The following NMUR1 variants were observed in gnomAD, a reference collection of about 807,000 sequenced individuals.
NMUR1 encodes the protein neuromedin U receptor 1, also known as neuromedin-U receptor 1.
A neutral mutation model predicts 18.8 loss-of-function variants in NMUR1; 16 were observed. That is an observed-to-expected ratio of 0.85 (90% confidence interval 0.58 to 1.29). The LOEUF is 1.29. Among genes scored for constraint, NMUR1 ranks in the 50% most tolerant of loss-of-function variants. The pLI is 0.00. For synonymous variants in NMUR1, 258 were observed against 258.2 expected, an observed-to-expected ratio of 1.00 and a Z score of 0.01; for missense variants, 529 against 580.3, an observed-to-expected ratio of 0.91 and a Z score of 0.91.
At position 231,523,524 on chromosome 2, in the gene NMUR1, T is replaced by C. The variant is rs1457077455; in HGVS notation, c.*1519A>G. On this transcript the variant is annotated 3_prime_UTR_variant, in exon 3 of 3. Coordinates refer to ENST00000305141, the MANE Select transcript of NMUR1 (RefSeq NM_006056.5). Reference sequence around the variant, plus strand: ...TCATGAGCATTTATTATTTTTATAATTGAATTTTTAAAACTAAACATCTGC... The same window carrying C: ...TCATGAGCATTTATTATTTTTATAACTGAATTTTTAAAACTAAACATCTGC... 7.7e-6 allele frequency: 2 copies of C among 261,052 alleles called. No individual in the cohort carries two copies. Among genetic ancestry groups the C allele is most frequent in the East Asian group, 1.3e-4 (2 of 14,852 alleles). The allele number at this position is 261,052 out of a possible 1,614,324, so 16.2% of individuals were successfully genotyped here.
chr2:231,528,242 C>T lies in NMUR1; in HGVS notation c.779G>A (p.Arg260Gln), dbSNP rs760301353. 3.0e-5 allele frequency: 48 copies of T among 1,613,690 alleles called. No homozygotes were observed. Among genetic ancestry groups the T allele is most frequent in the African/African-American group, 1.7e-4 (13 of 74,954 alleles). ...CTCCTGCATGAGCAGCAGCCTCTCC[C>T]GCCGCAGTCGCAGCCCAATGAGCAG... ...LYLLIGLRLRRERLLLMQEAK... is the reference protein window; with the variant it reads ...LYLLIGLRLRQERLLLMQEAK... The change falls in exon 2 of 3, where the codon CGG becomes CAG. Residue 260 changes from arginine (R) to glutamine (Q), a missense_variant. Coordinates refer to ENST00000305141, the MANE Select transcript of NMUR1 (RefSeq NM_006056.5).
downstream of NMUR1, among the ~76,000 whole-genome samples, chr2:231,520,256 T>C (rs2047294136): frequency 1.3e-5 from 2 of 152,176 alleles, no homozygotes; most frequent in African/African-American, 2.4e-5. Context: ...GTAGCTCAAA[T>C]ATCAACAGGA....
At position 231,525,370 on chromosome 2, in the gene NMUR1, G is replaced by A. The variant is rs1278223314; in HGVS notation, c.954C>T (p.Val318=). ...TCCACTGTGACACGACGCTCCACAT[G>A]ACGCGGTCGGCGTGGAACGGGGCCC... The part of the protein sequence containing the change: ...ICWAPFHADR[V]MWSVVSQWTD... Residue 318 remains valine (V), a synonymous_variant, in exon 3 of 3, where the codon GTC becomes GTT. Transcript: ENST00000305141. 6.2e-7 allele frequency: 1 copy of A among 1,614,008 alleles called. No individual in the cohort carries two copies. Among genetic ancestry groups the A allele is most frequent in the Non-Finnish European group, 8.5e-7 (1 of 1,180,004 alleles).
chr2:231,525,415 G>T lies in NMUR1; in HGVS notation c.909C>A (p.Val303=). 6.2e-7 allele frequency: 1 copy of T among 1,610,294 alleles called. No homozygotes were observed. Among genetic ancestry groups the T allele is most frequent in the Non-Finnish European group, 8.5e-7 (1 of 1,177,728 alleles). The change falls in exon 3 of 3, where the codon GTC becomes GTA. Residue 303 remains valine (V), a synonymous_variant. Transcript: ENST00000305141. ...RQVTKMLFVL[V]VVFGICWAPF... ...GGGCCCAGCAGATGCCAAACACCAC[G>T]ACCAGGACAACTGCAGGGACAGAGA... is the stretch of plus-strand genomic sequence containing the variant.
Position 231,528,864 on chromosome 2 carries a change from C to T in NMUR1, c.157G>A (p.Gly53Arg). 1 of 1,614,202 alleles carries T rather than the reference C, an allele frequency of 6.2e-7. No homozygotes were observed. The highest frequency in any genetic ancestry group is 8.5e-7 in the Non-Finnish European group (1 of 1,180,046). The change falls in exon 2 of 3, where the codon GGG becomes AGG. Residue 53 changes from glycine to arginine, a missense_variant. By Grantham distance (125) the Gly-to-Arg change is moderately radical. Coordinates refer to ENST00000305141, the MANE Select transcript of NMUR1 (RefSeq NM_006056.5). ...ATGAACAGCTCTGTCTGCTGGGGCC[C>T]CAGGTACTTGAGTCTCAGTGCCTCG... The part of the protein sequence containing the change: ...TDEALRLKYL[G>R]PQQTELFMPI...
rs1375555502 is a variant in NMUR1 at position 231,530,392 on chromosome 2, C to T, written c.-31G>A. On this transcript the variant is annotated 5_prime_UTR_variant, in exon 1 of 3. Transcript: ENST00000305141. ...CCGCGGCCCGCGAGACCCCGGCTTC[C>T]ACCCTCCGAGCGACGGACACAGACG... 1 of 1,483,192 alleles carries T rather than the reference C, an allele frequency of 6.7e-7. No homozygotes were observed. The highest frequency in any genetic ancestry group is 1.5e-5 in the African/African-American group (1 of 68,350). 91.9% of individuals were successfully genotyped at this position (1,483,192 alleles called of 1,614,324 possible). A position where few individuals can be genotyped will look rare whatever the true frequency, so the allele number is the denominator to read the frequency against.
In NMUR1 at chr2:231,530,426, G is replaced by A. The variant is rs1395129015; in HGVS notation, c.-65C>T. The A allele has an allele frequency of 6.9e-7, 1 of 1,453,966 alleles. No individual in the cohort carries two copies. Among genetic ancestry groups the A allele is most frequent in the Non-Finnish European group, 9.0e-7 (1 of 1,110,148 alleles). The allele number at this position is 1,453,966 out of a possible 1,614,324, so 90.1% of individuals were successfully genotyped here. A position where few individuals can be genotyped will look rare whatever the true frequency, so the allele number is the denominator to read the frequency against. On this transcript the variant is annotated 5_prime_UTR_variant, in exon 1 of 3. Coordinates refer to ENST00000305141, the MANE Select transcript of NMUR1 (RefSeq NM_006056.5). ...AGCGACGGACACAGACGCGGCGCGG[G>A]AGCCAGTGGACTGACTGACAGCGGC... is the stretch of plus-strand genomic sequence containing the variant.
intron 2 of NMUR1, 23 bp from the exon 3 acceptor site, chr2:231,525,448 C>T: frequency 3.2e-6 from 5 of 1,581,564 alleles, no homozygotes; most frequent in Non-Finnish European, 4.3e-6. Flanking sequence ...AGAAGGGAGG[C>T]CGAGTGCCCG....
At chr2:231,529,357 GGCTGAGGCGGGA>G (rs1356305113) in intron 1 of NMUR1, among the ~76,000 whole-genome samples, 1 of 152,152 alleles carries the variant, frequency 6.6e-6, no homozygotes, top group Non-Finnish European at 1.5e-5. Flanking sequence ...CTACTTGGGA[GGCTGAGGCGGGA>G]GAATTGTTTG....
At chr2:231,526,550 G>A (rs140628624) in intron 2 of NMUR1, among the ~76,000 whole-genome samples, 1 of 152,348 alleles carries the variant, frequency 6.6e-6, no homozygotes, top group East Asian at 1.9e-4. Flanking sequence ...GTGGGCAGCT[G>A]GTCCTGAGCA....
chr2:231,528,702 G>A lies in NMUR1; in HGVS notation c.319C>T (p.Leu107=), dbSNP rs773828162. ...GGCAGGCCCACCAGCAGCACCAGCA[G>A]GTCCGACACGGCCAGGCTGAAGAGG... The part of the protein sequence containing the change: ...YYLFSLAVSD[L]LVLLVGLPLE... Residue 107 remains leucine, a synonymous_variant, in exon 2 of 3, where the codon CTG becomes TTG. Coordinates refer to ENST00000305141, the MANE Select transcript of NMUR1 (RefSeq NM_006056.5). 3 of 1,614,256 alleles carry A rather than the reference G, an allele frequency of 1.9e-6. No individual in the cohort carries two copies. The African/African-American group carries it at 4.0e-5, about 22-fold the overall frequency.
chr2:231,526,115 G>A (rs1057058220), intron 2 of NMUR1, among the ~76,000 whole-genome samples: 1 of 149,036 alleles, frequency 6.7e-6, no homozygotes, highest in Non-Finnish European at 1.5e-5. Flanking sequence ...CTAACAAAAG[G>A]TAGGAGAGTT....
In NMUR1 at chr2:231,524,871, G is replaced by A. The variant is rs1367978658; in HGVS notation, c.*172C>T. The stretch of plus-strand genomic sequence containing the variant: ...GGTCAGTGTGAGTCCTCAGCAGTCA[G>A]GGATCCCTCCTCCTGCTGTTTCCCT... On this transcript the variant is annotated 3_prime_UTR_variant, in exon 3 of 3. Coordinates refer to ENST00000305141, the MANE Select transcript of NMUR1 (RefSeq NM_006056.5). 7 of 799,482 alleles carry A rather than the reference G, an allele frequency of 8.8e-6. No individual in the cohort carries two copies. The East Asian group carries it at 1.7e-4, about 19-fold the overall frequency. The allele number at this position is 799,482 out of a possible 1,614,324, so 49.5% of individuals were successfully genotyped here. A position where few individuals can be genotyped will look rare whatever the true frequency, so the allele number is the denominator to read the frequency against.
chr2:231,523,268 C>A lies in NMUR1; in HGVS notation c.*1775G>T. 2.8e-6 allele frequency: 1 copy of A among 359,294 alleles called. No homozygotes were observed. Among genetic ancestry groups the A allele is most frequent in the Non-Finnish European group, 5.0e-6 (1 of 198,190 alleles). The allele number at this position is 359,294 out of a possible 1,614,324, so 22.3% of individuals were successfully genotyped here. ...TTTTTATAAAAATTGTGGTAAAATA[C>A]ACATAACATAAAATGTACCATCTTA... On this transcript the variant is annotated 3_prime_UTR_variant, in exon 3 of 3. Transcript: ENST00000305141.
chr2:231,522,309 C>T (rs539515670), downstream of NMUR1, among the ~76,000 whole-genome samples: 34 of 152,018 alleles, frequency 2.2e-4, no homozygotes, highest in South Asian at 7.1e-3. Flanking sequence ...CTAACAACCC[C>T]ACTGCCCGTC....
rs1315390935 is a variant in NMUR1 at position 231,528,528 on chromosome 2, G to A, written c.493C>T (p.His165Tyr). ...LSVERYVAVV[H>Y]PLQARSMVTR... ...ACCATGGACCTGGCCTGGAGTGGGT[G>A]CACCACGGCCACATAGCGTTCCACG... The change falls in exon 2 of 3, where the codon CAC becomes TAC. Residue 165 changes from histidine to tyrosine, a missense_variant. Transcript: ENST00000305141. The A allele has an allele frequency of 1.2e-6, 2 of 1,613,920 alleles. No individual in the cohort carries two copies. The highest frequency in any genetic ancestry group is 1.7e-6 in the Non-Finnish European group (2 of 1,180,038).
Position 231,523,888 on chromosome 2 carries a change from C to G in NMUR1, c.*1155G>C, listed in dbSNP as rs1223855074. 6.5e-6 allele frequency: 1 copy of G among 152,698 alleles called. No homozygotes were observed. Among genetic ancestry groups the G allele is most frequent in the Non-Finnish European group, 1.5e-5 (1 of 68,102 alleles). 9.5% of individuals were successfully genotyped at this position (152,698 alleles called of 1,614,324 possible). A position where few individuals can be genotyped will look rare whatever the true frequency, so the allele number is the denominator to read the frequency against. On this transcript the variant is annotated 3_prime_UTR_variant, in exon 3 of 3. Transcript: ENST00000305141. The stretch of plus-strand genomic sequence containing the variant: ...ACTCCTTGCCCTTGGTTGGCCATGT[C>G]TCTTGCCCTCAGAGACCCTCTGGCC...
intron 1 of NMUR1, among the ~76,000 whole-genome samples, chr2:231,529,964 C>T (rs2047398432): frequency 6.6e-6 from 1 of 152,248 alleles, no homozygotes; most frequent in Non-Finnish European, 1.5e-5. Flanking sequence ...TTTTCTGTCA[C>T]CTGAACTGTT....
chr2:231,528,187 C>A lies in NMUR1; in HGVS notation c.834G>T (p.Arg278Ser). The change falls in exon 2 of 3, where the codon AGG becomes AGT. Residue 278 changes from arginine (R) to serine (S), a missense_variant. Physicochemically the swap from Arg to Ser is moderately radical, Grantham distance 110 (BLOSUM62 -1). Transcript: ENST00000305141. ...EAKGRGSAAA[R>S]SRYTCRLQQH... Reference sequence around the variant, plus strand: ...GCTGGAGCCTGCAGGTGTATCTGGACCTGGCTGCTGCAGAGCCCCTGCCCT... The same window carrying A: ...GCTGGAGCCTGCAGGTGTATCTGGAACTGGCTGCTGCAGAGCCCCTGCCCT... 3 of 1,602,912 alleles carry A rather than the reference C, an allele frequency of 1.9e-6. No homozygotes were observed. Among genetic ancestry groups the A allele is most frequent in the Non-Finnish European group, 8.5e-7 (1 of 1,174,604 alleles).
Sources: gnomAD v4.1 joint callset for allele counts (sites outside exome capture counted in the v4.1 genomes callset) on GRCh38, gnomAD v4.1.1 for gene constraint, MANE v1.5 for transcripts, NCBI Gene and HGNC (gene_info 2026-07-23, HGNC 2026-07-21) for gene names.